ABCE1: variants seen among roughly 807,000 people sequenced by gnomAD.
ABCE1 encodes ATP binding cassette subfamily E member 1.
A neutral mutation model predicts 83.4 loss-of-function variants in ABCE1; 22 were observed. The ratio of observed to expected loss-of-function variants is 0.26; its 90% CI spans 0.19 to 0.38. The LOEUF is 0.38. Ranked by LOEUF, ABCE1 falls within the 10% of genes least tolerant of loss-of-function variation. The probability of loss-of-function intolerance (pLI) is 1.00; values close to 1 mark genes in which losing one functional copy is unlikely to be tolerated. For synonymous variants in ABCE1, 204 were observed against 233.7 expected, an observed-to-expected ratio of 0.87 and a Z score of 1.16; for missense variants, 330 against 721.9, an observed-to-expected ratio of 0.46 and a Z score of 6.22.
Position 145,125,017 on chromosome 4 carries a change from T to C in ABCE1, c.1668T>C (p.Asn556=), listed in dbSNP as rs1749843451. ...NSPQTLLAGM[N]KFLSQLEITF... is the part of the protein sequence containing the mutation. ...CTCAAACCCTTTTGGCTGGCATGAATAAATTTTTGTCTCAGCTTGAAATTA... is the reference window on the plus strand; with the variant it reads ...CTCAAACCCTTTTGGCTGGCATGAACAAATTTTTGTCTCAGCTTGAAATTA... Residue 556 remains asparagine (N), a synonymous_variant, in exon 17 of 18, where the codon AAT becomes AAC. Coordinates refer to ENST00000296577, the MANE Select transcript of ABCE1 (RefSeq NM_002940.3). 2.5e-6 allele frequency: 4 copies of C among 1,613,212 alleles called. No individual in the cohort carries two copies. The highest frequency in any genetic ancestry group is 3.4e-6 in the Non-Finnish European group (4 of 1,179,496).
Position 145,129,487 on chromosome 4 carries a change from T to C in ABCE1, c.*1914T>C, listed in dbSNP as rs1177558546. Among the ~76,000 whole-genome samples the C allele has an allele frequency of 2.6e-5, 4 of 152,096 alleles. No homozygotes were observed. Among genetic ancestry groups the C allele is most frequent in the Admixed American group, 2.6e-4 (4 of 15,264 alleles). On this transcript the variant is annotated 3_prime_UTR_variant, in exon 18 of 18. Transcript: ENST00000296577. ...TTATACTACCATTTTTGTGAAAATATACAAAATATTGAAATAAAGGAATAC... is the reference window on the plus strand; with the variant it reads ...TTATACTACCATTTTTGTGAAAATACACAAAATATTGAAATAAAGGAATAC...
chr4:145,122,954 G>A (rs1343237496), intron 13 of ABCE1, 67 bp from the exon 14 acceptor site: 6 of 1,120,786 alleles, frequency 5.4e-6, no homozygotes, highest in Non-Finnish European at 6.3e-6. Context: ...ACTTTGTCAA[G>A]ATTCATAAAT....
chr4:145,114,692 A>G (rs1749565932), intron 9 of ABCE1, among the ~76,000 whole-genome samples: 3 of 152,008 alleles, frequency 2.0e-5, no homozygotes, highest in African/African-American at 7.2e-5. Flanking sequence ...AGGAAAAGTA[A>G]TACTACCCAA....
rs1749935867 is a variant in ABCE1 at position 145,127,876 on chromosome 4, T to C, written c.*303T>C. The C allele has an allele frequency of 4.5e-6, 1 of 224,110 alleles. No individual in the cohort carries two copies. The highest frequency in any genetic ancestry group is 8.6e-6 in the Non-Finnish European group (1 of 116,436). 13.9% of individuals were successfully genotyped at this position (224,110 alleles called of 1,614,324 possible). A position where few individuals can be genotyped will look rare whatever the true frequency, so the allele number is the denominator to read the frequency against. On this transcript the variant is annotated 3_prime_UTR_variant, in exon 18 of 18. Coordinates refer to ENST00000296577, the MANE Select transcript of ABCE1 (RefSeq NM_002940.3). ...GGGAAGATTTTCAGTAGGTGTATTA[T>C]ATTCACGGTACCAAATGCTGACCAG...
chr4:145,109,104 T>C (rs1277056330), intron 4 of ABCE1, 28 bp from the exon 5 acceptor site: 4 of 1,493,428 alleles, frequency 2.7e-6, no homozygotes, highest in Non-Finnish European at 3.7e-6. Context: ...ATCTGAGTTG[T>C]TTTATTATTT....
chr4:145,125,152 AC>A (rs1221535372), intron 17 of ABCE1, 51 bp downstream of exon 17: 3 of 1,281,128 alleles, frequency 2.3e-6, no homozygotes, highest in Non-Finnish European at 3.4e-6. Flanking sequence ...CAGTATAAAC[AC>A]TTGAAAGGCT....
In ABCE1 at chr4:145,123,092, A is replaced by C. The variant is rs1356947807; in HGVS notation, c.1335A>C (p.Val445=). Residue 445 remains valine (V), a synonymous_variant, in exon 14 of 18, where the codon GTA becomes GTC. Transcript: ENST00000296577. ...CTCACCCACAATTTGTGACCGATGT[A>C]ATGAAGCCTCTGCAAATTGAAAACA... ...AYTHPQFVTD[V]MKPLQIENII... The C allele has an allele frequency of 1.2e-6, 2 of 1,605,754 alleles. No individual in the cohort carries two copies. Among genetic ancestry groups the C allele is most frequent in the Admixed American group, 3.4e-5 (2 of 59,238 alleles).
chr4:145,100,287 C>T (rs1179367450), intron 1 of ABCE1, among the ~76,000 whole-genome samples: 1 of 152,176 alleles, frequency 6.6e-6, no homozygotes, highest in Non-Finnish European at 1.5e-5. Flanking sequence ...CCAGGAGTCC[C>T]AGTCTGTAGT....
intron 1 of ABCE1, 141 bp from the exon 2 acceptor site, chr4:145,104,245 C>T (rs1053817913): frequency 3.0e-4 from 124 of 412,800 alleles, no homozygotes; most frequent in Non-Finnish European, 4.1e-4. Context: ...ACAATTTTTA[C>T]ATTTGTCAAA....
At chr4:145,104,879 T>C (rs183484444) in intron 2 of ABCE1, among the ~76,000 whole-genome samples, 2 of 151,886 alleles carry the variant, frequency 1.3e-5, no homozygotes, top group African/African-American at 2.4e-5. Context: ...CAGTAAACTT[T>C]GACAGTATTT....
chr4:145,116,795 T>C lies in ABCE1; in HGVS notation c.801-498T>C, dbSNP rs34155255. Among the ~76,000 whole-genome samples the C allele has an allele frequency of 6.1e-3, 928 of 152,070 alleles. 11 individuals are homozygous for C. Among genetic ancestry groups the C allele is most frequent in the African/African-American group, 0.022 (901 of 41,558 alleles). On this transcript the variant is annotated intron_variant, in intron 9 of 17. Coordinates refer to ENST00000296577, the MANE Select transcript of ABCE1 (RefSeq NM_002940.3). ...CACTGATTTTATTATCTGTGGAGCATATTTTGCCATGTAATCTTTTTTTGT... is the reference window on the plus strand; with the variant it reads ...CACTGATTTTATTATCTGTGGAGCACATTTTGCCATGTAATCTTTTTTTGT...
rs571514969 is a variant in ABCE1 at position 145,127,647 on chromosome 4, G to A, written c.*74G>A. ...TAGAATTTTTTGTCATATAAAACTT[G>A]AATCAGGATTTTATGCCCCACATAC... On this transcript the variant is annotated 3_prime_UTR_variant, in exon 18 of 18. Transcript: ENST00000296577. The A allele has an allele frequency of 2.5e-6, 3 of 1,222,258 alleles. No homozygotes were observed. The South Asian group carries it at 4.8e-5, about 19-fold the overall frequency. 75.7% of individuals were successfully genotyped at this position (1,222,258 alleles called of 1,614,324 possible). A position where few individuals can be genotyped will look rare whatever the true frequency, so the allele number is the denominator to read the frequency against.
intron 10 of ABCE1, among the ~76,000 whole-genome samples, chr4:145,118,215 TTCCC>T (rs899223784): frequency 2.6e-5 from 4 of 151,298 alleles, no homozygotes; most frequent in African/African-American, 4.8e-5. Context: ...TAGCCTGTAG[TTCCC>T]TAAGAGGTGA....
At chr4:145,113,061 A>T (rs1395169627) in intron 9 of ABCE1, among the ~76,000 whole-genome samples, 1 of 152,216 alleles carries the variant, frequency 6.6e-6, no homozygotes, top group Non-Finnish European at 1.5e-5. Flanking sequence ...AGCAAGAGAA[A>T]TCCCAAATGG....
Position 145,117,299 on chromosome 4 carries a change from C to A in ABCE1, c.807C>A (p.Ile269=), listed in dbSNP as rs749031309. The A allele has an allele frequency of 1.4e-5, 22 of 1,599,702 alleles. No individual in the cohort carries two copies. Among genetic ancestry groups the A allele is most frequent in the Non-Finnish European group, 1.6e-5 (19 of 1,172,904 alleles). ...IRSLINPDRY[I]IVVEHDLSVL... is the part of the protein sequence containing the mutation. Reference sequence around the variant, plus strand: ...AATCTGGTTTGATTTTCAGATATATCATTGTGGTGGAACATGATCTAAGTG... The same window carrying A: ...AATCTGGTTTGATTTTCAGATATATAATTGTGGTGGAACATGATCTAAGTG... The change falls in exon 10 of 18, where the codon ATC becomes ATA. Residue 269 remains isoleucine (I), a synonymous_variant. Coordinates refer to ENST00000296577, the MANE Select transcript of ABCE1 (RefSeq NM_002940.3).
At chr4:145,103,252 A>T (rs1749203055) in intron 1 of ABCE1, among the ~76,000 whole-genome samples, 2 of 152,230 alleles carry the variant, frequency 1.3e-5, no homozygotes, top group Non-Finnish European at 2.9e-5. Flanking sequence ...TATTAAAAAA[A>T]ATAAAATAAA....
At chr4:145,111,204 G>A in intron 8 of ABCE1, 140 bp downstream of exon 8, 1 of 545,396 alleles carries the variant, frequency 1.8e-6, no homozygotes, top group Non-Finnish European at 3.2e-6. Flanking sequence ...AGATGTTGAA[G>A]CAGTTGTGTA....
intron 1 of ABCE1, among the ~76,000 whole-genome samples, chr4:145,103,152 G>C (rs779032513): frequency 6.6e-6 from 1 of 152,108 alleles, no homozygotes; most frequent in African/African-American, 2.4e-5. Flanking sequence ...CTAGGACAGC[G>C]TCGAGGAGCA....
intron 17 of ABCE1, among the ~76,000 whole-genome samples, chr4:145,126,606 T>C (rs1034611052): frequency 5.9e-5 from 9 of 152,204 alleles, no homozygotes; most frequent in Non-Finnish European, 1.0e-4. Flanking sequence ...CATTTCTGTT[T>C]TTAATATCTG....
Sources: allele counts gnomAD v4.1 joint callset (sites outside exome capture counted in the v4.1 genomes callset), GRCh38; gene constraint gnomAD v4.1.1; transcripts MANE v1.5; gene names NCBI Gene and HGNC (gene_info 2026-07-23, HGNC 2026-07-21).